Variants in TNR observed in about 807,000 individuals in gnomAD.
TNR encodes the protein tenascin-R.
TNR carries 45 observed loss-of-function variants against 150.4 expected under a neutral mutation model. The observed-to-expected ratio is 0.30, with a 90% CI of 0.24 to 0.38. TNR has a LOEUF of 0.38. Ranked by LOEUF, TNR falls within the 10% of genes least tolerant of loss-of-function variation. The pLI is 1.00. For missense variants in TNR, 1,544 were observed against 1,759.1 expected (o/e 0.88, Z 2.19); for synonymous variants, 687 against 678.4 (o/e 1.01, Z -0.20).
intron 2 of TNR, among the ~76,000 whole-genome samples, chr1:175,477,772 G>A (rs979213817): frequency 2.6e-5 from 4 of 152,204 alleles, no homozygotes; most frequent in African/African-American, 4.8e-5. Flanking sequence ...CATAAACTCA[G>A]TCAGTTCTTA....
At chr1:175,690,605 G>A (rs1278008827) in intron 1 of TNR, among the ~76,000 whole-genome samples, 5 of 152,234 alleles carry the variant, frequency 3.3e-5, no homozygotes, top group Non-Finnish European at 7.3e-5. Flanking sequence ...AGGTGGTGAG[G>A]CAGGTGCAGA....
At chr1:175,459,073 C>G (rs1187617756) in intron 2 of TNR, among the ~76,000 whole-genome samples, 1 of 152,032 alleles carries the variant, frequency 6.6e-6, no homozygotes, top group Non-Finnish European at 1.5e-5. Context: ...CCACCATCAT[C>G]ACCTCTACTA....
intron 1 of TNR, among the ~76,000 whole-genome samples, chr1:175,667,908 A>T (rs1467114133): frequency 6.6e-6 from 1 of 152,344 alleles, no homozygotes; most frequent in East Asian, 1.9e-4. Context: ...CAGGTCAGCC[A>T]AAGAGACACA....
intron 1 of TNR, among the ~76,000 whole-genome samples, chr1:175,554,643 C>T (rs1180674208): frequency 6.6e-6 from 1 of 152,164 alleles, no homozygotes; most frequent in East Asian, 1.9e-4. Context: ...AGGCTCTGGG[C>T]ATGGCTCATG....
At chr1:175,434,903 A>G (rs962874346) in intron 2 of TNR, among the ~76,000 whole-genome samples, 3 of 152,188 alleles carry the variant, frequency 2.0e-5, no homozygotes, top group East Asian at 1.9e-4. Context: ...CACCTCTTCC[A>G]GGTTGCTTTC....
intron 1 of TNR, among the ~76,000 whole-genome samples, chr1:175,709,155 A>G (rs1390034340): frequency 3.9e-5 from 6 of 152,078 alleles, no homozygotes; most frequent in Non-Finnish European, 8.8e-5. Flanking sequence ...AAGGTGATAT[A>G]CAGGGCCTCC....
intron 2 of TNR, among the ~76,000 whole-genome samples, chr1:175,527,817 A>G (rs1049830032): frequency 1.1e-4 from 17 of 152,220 alleles, no homozygotes; most frequent in African/African-American, 3.9e-4. Context: ...CTCCAGCCAT[A>G]TAGTTATGGA....
rs1491379776 is a variant in TNR at position 175,331,058 on chromosome 1, T to TTTCTTTCTTTCCTTCC, written c.3632-824_3632-823insGGAAGGAAAGAAAGAA. On this transcript the variant is annotated intron_variant, in intron 20 of 22. Coordinates refer to ENST00000367674, the MANE Select transcript of TNR (RefSeq NM_003285.3). ...CTTTCTTTCTTTCTTTCTTTCTTTCTTTCTTTCTTTCTTTCTTTCCTTCTT... is the reference window on the plus strand; with the variant it reads ...CTTTCTTTCTTTCTTTCTTTCTTTCTTTCTTTCTTTCCTTCCTTCTTTCTTTCTTTCTTTCCTTCTT... 1.7e-3 allele frequency among the ~76,000 whole-genome samples: 202 copies of TTTCTTTCTTTCCTTCC among 116,274 alleles called. 3 individuals carry two copies. The highest frequency in any genetic ancestry group is 7.0e-3 in the African/African-American group (192 of 27,292). The allele number at this position is 116,274 out of a possible 152,430, so 76.3% of individuals were successfully genotyped here. A position where few individuals can be genotyped will look rare whatever the true frequency, so the allele number is the denominator to read the frequency against.
chr1:175,670,304 T>G (rs1231499393), intron 1 of TNR, among the ~76,000 whole-genome samples: 1 of 152,090 alleles, frequency 6.6e-6, no homozygotes, highest in Non-Finnish European at 1.5e-5. Context: ...ATCCAGGGTG[T>G]GAGAGCCTCA....
chr1:175,385,281 C>T (rs948800632), intron 8 of TNR, among the ~76,000 whole-genome samples: 5 of 152,212 alleles, frequency 3.3e-5, no homozygotes, highest in African/African-American at 1.2e-4. Flanking sequence ...TACTAGCCCA[C>T]TAGCTGGCCA....
At chr1:175,401,783 T>G (rs1653713137) in intron 4 of TNR, among the ~76,000 whole-genome samples, 1 of 152,214 alleles carries the variant, frequency 6.6e-6, no homozygotes, top group Non-Finnish European at 1.5e-5. Context: ...TGATGTCACA[T>G]GACTTATCAG....
chr1:175,594,857 T>TAAAAAAA (rs1174868287), intron 1 of TNR, among the ~76,000 whole-genome samples: 1 of 103,034 alleles, frequency 9.7e-6, no homozygotes, highest in African/African-American at 3.4e-5. Flanking sequence ...ACCTTGTTTC[T>TAAAAAAA]AAAAAAAAAA....
In TNR at chr1:175,678,851, G is replaced by C. The variant is rs181337814; in HGVS notation, c.-165+64375C>G. ...CCCTTCTGGGAAGGCAGAGAGACTA[G>C]GAGATATCCTTCAGGCAAGATCATC... On this transcript the variant is annotated intron_variant, in intron 1 of 22. Transcript: ENST00000367674. Among the ~76,000 whole-genome samples the C allele has an allele frequency of 3.0e-4, 46 of 152,352 alleles. 1 individual carries two copies. Among genetic ancestry groups the C allele is most frequent in the African/African-American group, 1.0e-3 (42 of 41,586 alleles).
chr1:175,316,740 T>C lies in TNR; in HGVS notation c.*6617A>G, dbSNP rs546094191. 14 of 152,346 alleles carry C rather than the reference T, an allele frequency of 9.2e-5. No homozygotes were observed. The East Asian group carries it at 2.3e-3, about 25-fold the overall frequency. 9.4% of individuals were successfully genotyped at this position (152,346 alleles called of 1,614,324 possible). A position where few individuals can be genotyped will look rare whatever the true frequency, so the allele number is the denominator to read the frequency against. The stretch of plus-strand genomic sequence containing the variant: ...TTCTTATCTTCCCCCTCTCATTCTG[T>C]TGGGGACCCTCTCCCTCGTCTACCA... On this transcript the variant is annotated 3_prime_UTR_variant, in exon 23 of 23. Coordinates refer to ENST00000367674, the MANE Select transcript of TNR (RefSeq NM_003285.3).
chr1:175,621,717 C>T (rs930211261), intron 1 of TNR, among the ~76,000 whole-genome samples: 3 of 152,212 alleles, frequency 2.0e-5, no homozygotes, highest in Non-Finnish European at 2.9e-5. Flanking sequence ...CTTTCCTGCT[C>T]CTCCCTCCTT....
In TNR at chr1:175,391,346, A is replaced by G. The variant is rs1476600105; in HGVS notation, c.1449T>C (p.Asn483=). ...GLKPGEEYIV[N]VVALKEQARS... ...GGGCCTGTTCTTTCAGAGCCACCAC[A>G]TTGACAATGTATTCCTCCCCAGGCT... is the stretch of plus-strand genomic sequence containing the variant. Residue 483 remains asparagine, a synonymous_variant, in exon 7 of 23, where the codon AAT becomes AAC. Transcript: ENST00000367674. 2 of 1,614,058 alleles carry G rather than the reference A, an allele frequency of 1.2e-6. No homozygotes were observed. The highest frequency in any genetic ancestry group is 2.2e-5 in the East Asian group (1 of 44,896).
intron 1 of TNR, among the ~76,000 whole-genome samples, chr1:175,596,972 A>T (rs960456989): frequency 2.6e-5 from 4 of 152,206 alleles, no homozygotes; most frequent in Admixed American, 2.6e-4. Context: ...AGGGGTGCAT[A>T]TTTCAGGGTT....
At chr1:175,454,356 G>T (rs1330545906) in intron 2 of TNR, among the ~76,000 whole-genome samples, 2 of 152,156 alleles carry the variant, frequency 1.3e-5, no homozygotes, top group Non-Finnish European at 2.9e-5. Flanking sequence ...ACATAGGGTG[G>T]TAGAACTAAG....
At chr1:175,354,576 T>A in intron 17 of TNR, 53 bp from the exon 18 acceptor site, 2 of 1,611,754 alleles carry the variant, frequency 1.2e-6, no homozygotes, top group Non-Finnish European at 1.7e-6. Context: ...GGCTTGCAAT[T>A]TGGGAAAGTA....
Sources: allele counts gnomAD v4.1 joint callset (sites outside exome capture counted in the v4.1 genomes callset), GRCh38; gene constraint gnomAD v4.1.1; transcripts MANE v1.5; gene names NCBI Gene and HGNC (gene_info 2026-07-23, HGNC 2026-07-21).